The following NEIL2 variants were observed in gnomAD, a reference collection of about 807,000 sequenced individuals.
The protein encoded by NEIL2 is endonuclease 8-like 2.
Under a neutral mutation model 22.2 loss-of-function variants are expected in NEIL2, and 23 were observed. The observed-to-expected ratio is 1.04, with a 90% confidence interval of 0.75 to 1.47. The LOEUF is 1.47. NEIL2 is among the 40% of genes most tolerant of loss of function. The pLI is 0.00. For synonymous variants in NEIL2, 229 were observed against 164.8 expected, an observed-to-expected ratio of 1.39 and a Z score of -2.99; for missense variants, 583 against 404.7, an observed-to-expected ratio of 1.44 and a Z score of -3.78.
intron 1 of NEIL2, 48 bp from the exon 2 acceptor site, chr8:11,771,398 G>A (rs374003623): frequency 9.9e-6 from 16 of 1,610,986 alleles, no homozygotes; most frequent in African/African-American, 4.0e-5. Context: ...AGATGCTAGA[G>A]ATAAATGAGC....
intron 2 of NEIL2, 47 bp downstream of exon 2, chr8:11,771,632 G>C: frequency 6.3e-7 from 1 of 1,582,844 alleles, no homozygotes; most frequent in Non-Finnish European, 8.6e-7. Flanking sequence ...CCCATCCTGC[G>C]CCTCCCCTAG....
intron 2 of NEIL2, among the ~76,000 whole-genome samples, chr8:11,776,331 G>A (rs1409192051): frequency 2.0e-5 from 3 of 152,140 alleles, no homozygotes; most frequent in Non-Finnish European, 2.9e-5. Context: ...TCTCCCACCG[G>A]GTCCCCCCCA....
Position 11,783,253 on chromosome 8 carries a change from A to G in NEIL2, c.542A>G (p.Gln181Arg), listed in dbSNP as rs1374323050. The G allele has an allele frequency of 6.2e-7, 1 of 1,614,166 alleles. No homozygotes were observed. Among genetic ancestry groups the G allele is most frequent in the Non-Finnish European group, 8.5e-7 (1 of 1,180,026 alleles). The part of the protein sequence containing the change: ...GGGFLAFYNC[Q>R]LSWSSSPVVT... ...GGCTTCCTGGCATTTTATAATTGTC[A>G]GTTGTCTTGGAGCTCTTCCCCAGTG... Residue 181 changes from glutamine to arginine, a missense_variant, in exon 4 of 5, where the codon CAG becomes CGG. By Grantham distance (43) the Gln-to-Arg change is conservative. Transcript: ENST00000284503.
At chr8:11,775,139 A>C (rs1026252397) in intron 2 of NEIL2, among the ~76,000 whole-genome samples, 1 of 152,258 alleles carries the variant, frequency 6.6e-6, no homozygotes, top group African/African-American at 2.4e-5. Context: ...GCACTGCCCT[A>C]GCAGAGGTTC....
chr8:11,771,581 C>A lies in NEIL2; in HGVS notation c.134C>A (p.Thr45Asn). 6.2e-7 allele frequency: 1 copy of A among 1,613,728 alleles called. No individual in the cohort carries two copies. Among genetic ancestry groups the A allele is most frequent in the Non-Finnish European group, 8.5e-7 (1 of 1,179,820 alleles). ...CTGCAGTCTCTGTGGCTCCAGGACACCCAGGTGAGGTAATACTCCTCTGAA... is the reference window on the plus strand; with the variant it reads ...CTGCAGTCTCTGTGGCTCCAGGACAACCAGGTGAGGTAATACTCCTCTGAA... ...ASLQSLWLQD[T>N]QVHGKKLFLR... The change falls in exon 2 of 5, where the codon ACC becomes AAC. Residue 45 changes from threonine (T) to asparagine (N), a missense_variant. By Grantham distance (65) the Thr-to-Asn change is moderately conservative. Transcript: ENST00000284503.
intron 4 of NEIL2, among the ~76,000 whole-genome samples, chr8:11,784,434 G>A (rs1804716267): frequency 6.6e-6 from 1 of 152,230 alleles, no homozygotes; most frequent in Non-Finnish European, 1.5e-5. Context: ...GGAAACTGAA[G>A]CAGAGAACAC....
intron 3 of NEIL2, among the ~76,000 whole-genome samples, chr8:11,782,318 G>A (rs8191630): frequency 1.9e-4 from 29 of 152,168 alleles, no homozygotes; most frequent in African/African-American, 5.3e-4. Flanking sequence ...CCAGCTACTC[G>A]GGAGGCTGAG....
chr8:11,780,207 G>C (rs913395548), intron 3 of NEIL2, among the ~76,000 whole-genome samples: 1 of 152,188 alleles, frequency 6.6e-6, no homozygotes, highest in South Asian at 2.1e-4. Context: ...TGGCACTTGA[G>C]GGGGGACTGT....
Position 11,779,865 on chromosome 8 carries a change from G to C in NEIL2, c.406G>C (p.Gly136Arg). The C allele has an allele frequency of 6.2e-7, 1 of 1,614,146 alleles. No homozygotes were observed. The highest frequency in any genetic ancestry group is 1.3e-5 in the African/African-American group (1 of 75,026). Residue 136 changes from glycine to arginine, a missense_variant, in exon 3 of 5, where the codon GGT becomes CGT. Transcript: ENST00000284503. ...DAGRWLRVSF[G>R]LFGSVWVNDF... ...TGGGAGGTGGCTGCGTGTCAGCTTT[G>C]GTTTGTTTGGCAGCGTTTGGGTGAA...
At chr8:11,773,634 A>G (rs572473740) in intron 2 of NEIL2, among the ~76,000 whole-genome samples, 2 of 152,218 alleles carry the variant, frequency 1.3e-5, no homozygotes, top group East Asian at 3.9e-4. Flanking sequence ...AGAGGGAGGA[A>G]AGGGCATTTC....
chr8:11,772,808 G>T (rs1488199174), intron 2 of NEIL2, among the ~76,000 whole-genome samples: 3 of 152,164 alleles, frequency 2.0e-5, no homozygotes, highest in African/African-American at 7.2e-5. Flanking sequence ...TTGTAGAATG[G>T]AGATAAGCCA....
At chr8:11,784,210 ATTTTCATG>A (rs1324952864) in intron 4 of NEIL2, among the ~76,000 whole-genome samples, 1 of 152,124 alleles carries the variant, frequency 6.6e-6, no homozygotes, top group Non-Finnish European at 1.5e-5. Context: ...CTTGCCTTGC[ATTTTCATG>A]TTAGGACCAT....
intron 1 of NEIL2, among the ~76,000 whole-genome samples, chr8:11,770,572 A>G (rs1244307603): frequency 1.3e-5 from 2 of 152,256 alleles, no homozygotes; most frequent in African/African-American, 4.8e-5. Context: ...TCACTGAAAT[A>G]TAATAGCTAC....
rs748605862 is a variant in NEIL2 at position 11,785,974 on chromosome 8, A to C, written c.700A>C (p.Lys234Gln). 3 of 1,613,910 alleles carry C rather than the reference A, an allele frequency of 1.9e-6. No homozygotes were observed. The highest frequency in any genetic ancestry group is 2.7e-5 in the African/African-American group (2 of 74,898). The change falls in exon 5 of 5, where the codon AAG becomes CAG. Residue 234 changes from lysine (K) to glutamine (Q), a missense_variant. By Grantham distance (53) the Lys-to-Gln change is moderately conservative. Transcript: ENST00000284503. ...RYFSGLGNIIKNEALYRAGIH... is the reference protein window; with the variant it reads ...RYFSGLGNIIQNEALYRAGIH... Reference sequence around the variant, plus strand: ...CCGCTTTATTTCAGGGAACATCATTAAGAATGAAGCCTTGTACAGAGCTGG... The same window carrying C: ...CCGCTTTATTTCAGGGAACATCATTCAGAATGAAGCCTTGTACAGAGCTGG...
At chr8:11,782,965 G>A (rs559148307) in intron 3 of NEIL2, 5 of 592,342 alleles carry the variant, frequency 8.4e-6, no homozygotes, top group Non-Finnish European at 1.3e-5. Flanking sequence ...TGACTATGTT[G>A]TGGTAATGAT....
intron 2 of NEIL2, 81 bp downstream of exon 2, chr8:11,771,666 G>A (rs963465498): frequency 3.4e-6 from 5 of 1,466,244 alleles, no homozygotes; most frequent in Non-Finnish European, 4.6e-6. Context: ...ATGTCTCAGG[G>A]TGTCACTTCC....
At position 11,779,860 on chromosome 8, in the gene NEIL2, G is replaced by C. The variant is rs766124017; in HGVS notation, c.401G>C (p.Ser134Thr). 1 of 1,614,096 alleles carries C rather than the reference G, an allele frequency of 6.2e-7. No homozygotes were observed. The highest frequency in any genetic ancestry group is 8.5e-7 in the Non-Finnish European group (1 of 1,180,048). ...GATGCTGGGAGGTGGCTGCGTGTCA[G>C]CTTTGGTTTGTTTGGCAGCGTTTGG... ...AGDAGRWLRV[S>T]FGLFGSVWVN... is the part of the protein sequence containing the mutation. The change falls in exon 3 of 5, where the codon AGC becomes ACC. Residue 134 changes from serine to threonine, a missense_variant. Coordinates refer to ENST00000284503, the MANE Select transcript of NEIL2 (RefSeq NM_145043.4).
At chr8:11,771,609 G>T (rs756221378) in intron 2 of NEIL2, 24 bp downstream of exon 2, 2 of 1,605,260 alleles carry the variant, frequency 1.2e-6, no homozygotes, top group African/African-American at 1.3e-5. Flanking sequence ...CCTCTGAAGG[G>T]TTGGCTCTGT....
chr8:11,786,197 T>A lies in NEIL2; in HGVS notation c.923T>A (p.Leu308Ter). The change falls in exon 5 of 5, where the codon TTA (leucine) becomes TAA (stop). Residue 308 changes from leucine to a stop codon, truncating the protein, a stop_gained. Transcript: ENST00000284503. LOFTEE classifies it high-confidence loss of function. ...MKEAFGPEDG[L>*]QRLTWWCPQC... ...GAGGCGTTTGGGCCCGAAGATGGGTTACAGAGGCTCACCTGGTGGTGCCCG... is the reference window on the plus strand; with the variant it reads ...GAGGCGTTTGGGCCCGAAGATGGGTAACAGAGGCTCACCTGGTGGTGCCCG... 6.2e-7 allele frequency: 1 copy of A among 1,613,656 alleles called. No homozygotes were observed. Among genetic ancestry groups the A allele is most frequent in the South Asian group, 1.1e-5 (1 of 91,052 alleles).
Sources: allele counts gnomAD v4.1 joint callset (sites outside exome capture counted in the v4.1 genomes callset), GRCh38; gene constraint gnomAD v4.1.1; transcripts MANE v1.5; gene names NCBI Gene and HGNC (gene_info 2026-07-23, HGNC 2026-07-21).